Variants in TUSC3 observed in about 807,000 individuals in gnomAD.
TUSC3 encodes tumor suppressor candidate 3.
In TUSC3, 45 loss-of-function variants were observed where a neutral mutation model predicts 44.8. The observed-to-expected ratio is 1.00, with a 90% CI of 0.79 to 1.29. The LOEUF (loss-of-function observed/expected upper bound fraction) is 1.29. Ranked by LOEUF, TUSC3 falls within the 50% of genes most tolerant of loss-of-function variation. The pLI is 0.00. For synonymous variants in TUSC3, 212 were observed against 152.9 expected (o/e 1.39, Z -2.85); for missense variants, 519 against 437.9 (o/e 1.19, Z -1.65).
At chr8:15,662,452 C>T (rs929566205) in intron 5 of TUSC3, among the ~76,000 whole-genome samples, 156 bp downstream of exon 5, 2 of 150,508 alleles carry the variant, frequency 1.3e-5, no homozygotes, top group Non-Finnish European at 3.0e-5. Context: ...TTTGAGTTTT[C>T]TGTCAATCAA....
chr8:15,661,718 A>T (rs1807435439), intron 4 of TUSC3, among the ~76,000 whole-genome samples: 1 of 152,018 alleles, frequency 6.6e-6, no homozygotes, highest in East Asian at 1.9e-4. Flanking sequence ...CGTGTTTTAA[A>T]GGATACCGTC....
intron 1 of TUSC3, among the ~76,000 whole-genome samples, chr8:15,444,696 G>A (rs1341234834): frequency 6.6e-6 from 1 of 152,160 alleles, no homozygotes; most frequent in Non-Finnish European, 1.5e-5. Context: ...TGGTCAAGGA[G>A]AGAATCTTTG....
At chr8:15,418,023 T>C (rs1220224754) in intron 1 of TUSC3, among the ~76,000 whole-genome samples, 1 of 152,066 alleles carries the variant, frequency 6.6e-6, no homozygotes, top group African/African-American at 2.4e-5. Flanking sequence ...AACAAAAGCT[T>C]CCCAGGTTCC....
At chr8:15,647,309 A>G (rs1211600310) in intron 2 of TUSC3, among the ~76,000 whole-genome samples, 2 of 152,182 alleles carry the variant, frequency 1.3e-5, no homozygotes, top group Non-Finnish European at 2.9e-5. Flanking sequence ...AATATATTTA[A>G]ATAATCTTTC....
intron 1 of TUSC3, among the ~76,000 whole-genome samples, chr8:15,422,778 G>C (rs980523026): frequency 2.0e-5 from 3 of 151,872 alleles, no homozygotes; most frequent in Non-Finnish European, 4.4e-5. Flanking sequence ...AGGTAATTAA[G>C]ACTACAGGCA....
the TUSC3 span, chr8:15,806,740 A>G: frequency 1.3e-6 from 1 of 784,316 alleles, no homozygotes; most frequent in South Asian, 1.6e-5. Context: ...AGGCTTTCAC[A>G]TGCTAAAGCA....
At position 15,758,285 on chromosome 8, in the gene TUSC3, C is replaced by A. The variant is rs910297718; in HGVS notation, c.*46+430C>A. On this transcript the variant is annotated intron_variant, in intron 10 of 10. Coordinates refer to ENST00000503731, the MANE Select transcript of TUSC3 (RefSeq NM_006765.4). ...AAATACAAGTCTTCCAAACAGTTAA[C>A]TTACTGAAAACTTTTTTAAAATCAA... The A allele has an allele frequency of 4.1e-6, 4 of 975,408 alleles. No homozygotes were observed. The African/African-American group carries it at 5.3e-5, about 13-fold the overall frequency. 60.4% of individuals were successfully genotyped at this position (975,408 alleles called of 1,614,324 possible). A position where few individuals can be genotyped will look rare whatever the true frequency, so the allele number is the denominator to read the frequency against.
chr8:15,497,787 C>T (rs541933776), intron 2 of TUSC3, among the ~76,000 whole-genome samples: 1 of 151,590 alleles, frequency 6.6e-6, no homozygotes, highest in East Asian at 1.9e-4. Context: ...CTCTGTCTCC[C>T]AGGCTGGAGT....
At chr8:15,434,431 T>C (rs560758298) in intron 1 of TUSC3, among the ~76,000 whole-genome samples, 66 of 152,324 alleles carry the variant, frequency 4.3e-4, no homozygotes, top group Non-Finnish European at 8.2e-4. Context: ...TTTTCTTTTT[T>C]TTAGTAATGT....
intron 1 of TUSC3, among the ~76,000 whole-genome samples, chr8:15,583,976 G>A (rs1349490786): frequency 6.6e-6 from 1 of 152,184 alleles, no homozygotes; most frequent in Non-Finnish European, 1.5e-5. Context: ...GATAGATAGT[G>A]TCAGTTGTTT....
chr8:15,575,734 T>A (rs548389453), intron 1 of TUSC3, among the ~76,000 whole-genome samples: 3 of 152,294 alleles, frequency 2.0e-5, no homozygotes, highest in Admixed American at 1.3e-4. Flanking sequence ...TCCACTGCAC[T>A]CCAGCTTGGG....
intron 1 of TUSC3, among the ~76,000 whole-genome samples, chr8:15,615,273 A>G (rs1026954899): frequency 1.3e-5 from 2 of 152,258 alleles, no homozygotes; most frequent in African/African-American, 4.8e-5. Context: ...AATGTTATTC[A>G]GCTGTAAGAA....
chr8:15,523,356 A>G (rs1035490943), intron 2 of TUSC3, among the ~76,000 whole-genome samples: 1 of 152,040 alleles, frequency 6.6e-6, no homozygotes, highest in Non-Finnish European at 1.5e-5. Flanking sequence ...ATGGAGGTAT[A>G]TACCATTTCC....
chr8:15,440,112 A>C (rs575108117), intron 1 of TUSC3, among the ~76,000 whole-genome samples: 34 of 152,202 alleles, frequency 2.2e-4, no homozygotes, highest in Non-Finnish European at 4.0e-4. Flanking sequence ...TTGCCCTGAA[A>C]GAAGGAACAT....
At chr8:15,621,197 A>C (rs1198577275) in intron 1 of TUSC3, among the ~76,000 whole-genome samples, 2 of 151,802 alleles carry the variant, frequency 1.3e-5, no homozygotes, top group Non-Finnish European at 1.5e-5. Context: ...TTATTATTTT[A>C]AAATGTTTTC....
At chr8:15,612,236 G>A (rs987700265) in intron 1 of TUSC3, among the ~76,000 whole-genome samples, 2 of 152,126 alleles carry the variant, frequency 1.3e-5, no homozygotes, top group Non-Finnish European at 2.9e-5. Context: ...AAACAAACAC[G>A]TGAATAGCTG....
rs528600581 is a variant in TUSC3 at position 15,597,255 on chromosome 8, C to G, written c.139-25825C>G. Among the ~76,000 whole-genome samples, 3 of 152,232 alleles carry G rather than the reference C, an allele frequency of 2.0e-5. No homozygotes were observed. The South Asian group carries it at 6.2e-4, about 32-fold the overall frequency. On this transcript the variant is annotated intron_variant, in intron 1 of 10. Transcript: ENST00000503731. ...CTCAGTCCAACTCAGGATCTGTCTACACTGATTTTGAAGCCTGTGGCCCTT... is the reference window on the plus strand; with the variant it reads ...CTCAGTCCAACTCAGGATCTGTCTAGACTGATTTTGAAGCCTGTGGCCCTT...
chr8:15,635,831 C>A (rs80055033), intron 2 of TUSC3, among the ~76,000 whole-genome samples: 2,732 of 152,202 alleles, frequency 0.018, 29 homozygotes, highest in Middle Eastern at 0.034. Flanking sequence ...TGGTGGTGAT[C>A]TGGTAAGTGT....
chr8:15,700,866 T>C (rs956085122), intron 6 of TUSC3, among the ~76,000 whole-genome samples: 4 of 149,076 alleles, frequency 2.7e-5, no homozygotes, highest in Non-Finnish European at 5.9e-5. Flanking sequence ...TTTTTTTTTT[T>C]TGCTTTGCCT....
Sources: allele counts gnomAD v4.1 joint callset (sites outside exome capture counted in the v4.1 genomes callset), GRCh38; gene constraint gnomAD v4.1.1; transcripts MANE v1.5; gene names NCBI Gene and HGNC (gene_info 2026-07-23, HGNC 2026-07-21).